Variants in ADAM32 observed in about 807,000 individuals in gnomAD.
The protein encoded by ADAM32 is ADAM metallopeptidase domain 32, also known as disintegrin and metalloproteinase domain-containing protein 32.
ADAM32 carries 89 observed loss-of-function variants against 114.9 expected under a neutral mutation model. The ratio of observed to expected loss-of-function variants is 0.77; its 90% confidence interval spans 0.65 to 0.92. The LOEUF (loss-of-function observed/expected upper bound fraction) is 0.92. ADAM32 is among the 40% of genes least tolerant of loss of function. The pLI is 0.00. For synonymous variants in ADAM32, 285 were observed against 307.5 expected, an observed-to-expected ratio of 0.93 and a Z score of 0.77; for missense variants, 870 against 932.8, an observed-to-expected ratio of 0.93 and a Z score of 0.88.
At position 39,235,851 on chromosome 8, in the gene ADAM32, G is replaced by T. The variant is rs200014583; in HGVS notation, c.1818+1769G>T. Among the ~76,000 whole-genome samples, 68 of 152,178 alleles carry T rather than the reference G, an allele frequency of 4.5e-4. No homozygotes were observed. The East Asian group carries it at 0.012, about 28-fold the overall frequency. On this transcript the variant is annotated intron_variant, in intron 16 of 24. Transcript: ENST00000379907. ...CTCAACATATTAAAAGTTTAAAAGG[G>T]TTAGATTGTTTGTATTTAGAAGAGG...
intron 10 of ADAM32, among the ~76,000 whole-genome samples, chr8:39,171,045 T>G (rs1805154095): frequency 6.6e-6 from 1 of 152,184 alleles, no homozygotes; most frequent in South Asian, 2.1e-4. Context: ...GCGATTCTCA[T>G]GTCTCAGTCT....
At chr8:39,227,252 G>A (rs1474504527) in intron 14 of ADAM32, among the ~76,000 whole-genome samples, 1 of 152,178 alleles carries the variant, frequency 6.6e-6, no homozygotes, top group African/African-American at 2.4e-5. Context: ...ACCCCCACTG[G>A]AGAAACTGAA....
At chr8:39,179,029 C>A (rs1420423474) in intron 10 of ADAM32, among the ~76,000 whole-genome samples, 1 of 152,226 alleles carries the variant, frequency 6.6e-6, no homozygotes, top group Non-Finnish European at 1.5e-5. Flanking sequence ...CTTAAAGAAG[C>A]AGTCTGGCTG....
intron 4 of ADAM32, among the ~76,000 whole-genome samples, chr8:39,147,626 G>C (rs1283921878): frequency 1.3e-5 from 2 of 151,496 alleles, no homozygotes; most frequent in East Asian, 3.9e-4. Context: ...TAAGTGTCCA[G>C]CATCCACCTT....
At chr8:39,188,747 C>A (rs1303803286) in intron 11 of ADAM32, among the ~76,000 whole-genome samples, 1 of 152,070 alleles carries the variant, frequency 6.6e-6, no homozygotes, top group Non-Finnish European at 1.5e-5. Flanking sequence ...TATTAGTAAA[C>A]CTTTAAGTTC....
chr8:39,154,688 C>T (rs1239078483), intron 6 of ADAM32, among the ~76,000 whole-genome samples: 1 of 152,204 alleles, frequency 6.6e-6, no homozygotes, highest in Non-Finnish European at 1.5e-5. Flanking sequence ...TCTCCACATC[C>T]TTTCTAGCAT....
intron 16 of ADAM32, among the ~76,000 whole-genome samples, chr8:39,240,801 A>T (rs551681895): frequency 6.6e-6 from 1 of 152,254 alleles, no homozygotes; most frequent in South Asian, 2.1e-4. Context: ...GGAATTCAAG[A>T]TGAGATTTGG....
At chr8:39,223,448 G>A in intron 14 of ADAM32, 1 of 268,940 alleles carries the variant, frequency 3.7e-6, no homozygotes, top group Non-Finnish European at 6.7e-6. Context: ...ATATGTATAA[G>A]CAAACATATA....
At chr8:39,263,116 G>T (rs1229296356) in intron 19 of ADAM32, among the ~76,000 whole-genome samples, 1 of 152,102 alleles carries the variant, frequency 6.6e-6, no homozygotes, top group Non-Finnish European at 1.5e-5. Flanking sequence ...ATTTTATTCT[G>T]GAGGAAGTAC....
At chr8:39,137,770 C>CAAAAAA (rs34189859) in intron 3 of ADAM32, among the ~76,000 whole-genome samples, 1 of 136,738 alleles carries the variant, frequency 7.3e-6, no homozygotes, top group African/African-American at 2.8e-5. Context: ...GACACTGTCT[C>CAAAAAA]AAAAAAAAAA....
At chr8:39,121,801 C>T (rs890075361) in intron 2 of ADAM32, among the ~76,000 whole-genome samples, 17 of 151,924 alleles carry the variant, frequency 1.1e-4, no homozygotes, top group Non-Finnish European at 1.0e-4. Context: ...GGGGCAGAGC[C>T]GCTTTACAGA....
At chr8:39,190,098 T>C (rs1330971046) in intron 11 of ADAM32, among the ~76,000 whole-genome samples, 1 of 152,208 alleles carries the variant, frequency 6.6e-6, no homozygotes, top group African/African-American at 2.4e-5. Flanking sequence ...CTCTATATCT[T>C]TATGAGTTAA....
At chr8:39,179,541 C>A (rs1805722233) in intron 10 of ADAM32, among the ~76,000 whole-genome samples, 1 of 152,192 alleles carries the variant, frequency 6.6e-6, no homozygotes, top group Non-Finnish European at 1.5e-5. Flanking sequence ...CCTGAGGCTC[C>A]ACACTCTCTG....
At chr8:39,131,504 A>AT (rs1215175003) in intron 2 of ADAM32, among the ~76,000 whole-genome samples, 5 of 152,164 alleles carry the variant, frequency 3.3e-5, no homozygotes, top group East Asian at 1.9e-4. Flanking sequence ...TCATTCAAAG[A>AT]TTTTTTTGTG....
chr8:39,268,078 A>C (rs147218019), intron 19 of ADAM32, among the ~76,000 whole-genome samples: 1 of 152,216 alleles, frequency 6.6e-6, no homozygotes, highest in Non-Finnish European at 1.5e-5. Context: ...ACAAGTCTCT[A>C]TGTGAATATA....
intron 2 of ADAM32, chr8:39,129,946 T>C: frequency 5.6e-6 from 2 of 354,648 alleles, no homozygotes; most frequent in Non-Finnish European, 5.4e-6. Context: ...AAATTGTACA[T>C]CACATTTCCT....
intron 3 of ADAM32, among the ~76,000 whole-genome samples, chr8:39,145,244 A>T (rs1439718175): frequency 1.3e-5 from 2 of 152,164 alleles, no homozygotes; most frequent in African/African-American, 4.8e-5. Flanking sequence ...TTGATACACA[A>T]ATTCAACGCA....
At chr8:39,280,254 T>C (rs904915050) in intron 22 of ADAM32, among the ~76,000 whole-genome samples, 3 of 151,876 alleles carry the variant, frequency 2.0e-5, no homozygotes, top group African/African-American at 7.3e-5. Context: ...CTTTAGCTCT[T>C]GTTTTCCCTC....
At chr8:39,202,912 G>A (rs1262069708) in intron 11 of ADAM32, among the ~76,000 whole-genome samples, 2 of 132,348 alleles carry the variant, frequency 1.5e-5, no homozygotes, top group African/African-American at 5.7e-5. Context: ...TCAGGAGCAG[G>A]TTGTTCAGTT....
Sources: gnomAD v4.1 joint callset for allele counts (sites outside exome capture counted in the v4.1 genomes callset) on GRCh38, gnomAD v4.1.1 for gene constraint, MANE v1.5 for transcripts, NCBI Gene and HGNC (gene_info 2026-07-23, HGNC 2026-07-21) for gene names.